EPB41L1: variants seen among roughly 807,000 people sequenced by gnomAD.
EPB41L1 encodes the protein erythrocyte membrane protein band 4.1 like 1.
A neutral mutation model predicts 97.8 loss-of-function variants in EPB41L1; 29 were observed. The observed-to-expected ratio is 0.30, with a 90% CI of 0.22 to 0.40. The LOEUF (loss-of-function observed/expected upper bound fraction) is 0.40. Among genes scored for constraint, EPB41L1 ranks in the 10% least tolerant of loss-of-function variants. EPB41L1 has a pLI of 1.00. For synonymous variants in EPB41L1, 383 were observed against 459.2 expected, an observed-to-expected ratio of 0.83 and a Z score of 2.12; for missense variants, 812 against 1,162.3, an observed-to-expected ratio of 0.70 and a Z score of 4.38.
At chr20:36,210,513 C>T (rs572029076) in intron 15 of EPB41L1, among the ~76,000 whole-genome samples, 1 of 152,072 alleles carries the variant, frequency 6.6e-6, no homozygotes, top group East Asian at 1.9e-4. Flanking sequence ...CTCTTCTAGA[C>T]CCAACCTCCC....
chr20:36,093,052 C>G lies in EPB41L1; in HGVS notation c.-65+1440C>G, dbSNP rs2057707790. 1 of 152,750 alleles carries G rather than the reference C, an allele frequency of 6.5e-6. No individual in the cohort carries two copies. Among genetic ancestry groups the G allele is most frequent in the South Asian group, 2.0e-4 (1 of 4,884 alleles). The allele number at this position is 152,750 out of a possible 1,614,324, so 9.5% of individuals were successfully genotyped here. On this transcript the variant is annotated intron_variant, in intron 1 of 19. Transcript: ENST00000202028. The surrounding 1 kb of genome is among the most constrained non-coding windows in gnomAD (Gnocchi z 5.4). ...TGTGTTAGGTGTGAGCGCGCGTGTG[C>G]CCGTGGATCCGTGCGAGCGGCTGCT...
intron 1 of EPB41L1, among the ~76,000 whole-genome samples, chr20:36,098,872 G>A (rs1169213206): frequency 6.6e-6 from 1 of 152,130 alleles, no homozygotes; most frequent in African/African-American, 2.4e-5. Flanking sequence ...TGTAATCCCA[G>A]CACTTTGGGA....
chr20:36,203,892 A>G (rs1049181099), intron 14 of EPB41L1, among the ~76,000 whole-genome samples: 1 of 152,154 alleles, frequency 6.6e-6, no homozygotes, highest in African/African-American at 2.4e-5. Flanking sequence ...TGAGCCTTCA[A>G]AATGTTTCAG....
At chr20:36,202,449 C>T (rs1250456080) in intron 14 of EPB41L1, among the ~76,000 whole-genome samples, 1 of 152,090 alleles carries the variant, frequency 6.6e-6, no homozygotes, top group African/African-American at 2.4e-5. Context: ...CCACTTTCTC[C>T]CAGGAAATGG....
At position 36,220,845 on chromosome 20, in the gene EPB41L1, C is replaced by T. The variant is rs1404316291; in HGVS notation, c.2439+1001C>T. Among the ~76,000 whole-genome samples the T allele has an allele frequency of 7.9e-5, 12 of 152,128 alleles. No individual in the cohort carries two copies. The East Asian group carries it at 2.3e-3, about 29-fold the overall frequency. The stretch of plus-strand genomic sequence containing the variant: ...TGTGGCCAGGAGGAAGGCAGGAGGG[C>T]GCCTAGCCAGGGCTGGAGGCCTGGA... On this transcript the variant is annotated intron_variant, in intron 19 of 21. Coordinates refer to ENST00000338074, the MANE Select transcript of EPB41L1 (RefSeq NM_012156.2).
chr20:36,168,895 A>G (rs1359461396), intron 1 of EPB41L1, among the ~76,000 whole-genome samples: 5 of 151,860 alleles, frequency 3.3e-5, no homozygotes, highest in Non-Finnish European at 7.4e-5. Flanking sequence ...CTCCTTCACC[A>G]TCCTGAGAGG....
At chr20:36,138,124 A>G (rs530806787) in intron 2 of EPB41L1, among the ~76,000 whole-genome samples, 19 of 152,172 alleles carry the variant, frequency 1.2e-4, no homozygotes, top group Non-Finnish European at 2.4e-4. Context: ...CTGTCGATGG[A>G]CACTTGTTGC....
chr20:36,195,204 T>C lies in EPB41L1; in HGVS notation c.1450-125T>C, dbSNP rs1336691800. 1.7e-6 allele frequency: 2 copies of C among 1,154,970 alleles called. No individual in the cohort carries two copies. The highest frequency in any genetic ancestry group is 3.1e-5 in the African/African-American group (2 of 65,498). The allele number at this position is 1,154,970 out of a possible 1,614,324, so 71.5% of individuals were successfully genotyped here. A position where few individuals can be genotyped will look rare whatever the true frequency, so the allele number is the denominator to read the frequency against. ...CTGCTGGTGGCCCACCCAGCTGCCC[T>C]GGCCTCCACTTGGTCGAGTGTGCGT... On this transcript the variant is annotated intron_variant, in intron 12 of 21. Transcript: ENST00000338074. This position sits in a 1 kb window ranked among gnomAD's most constrained non-coding sequence, Gnocchi z 4.6.
At chr20:36,205,816 A>T in intron 14 of EPB41L1, 1 of 1,262,424 alleles carries the variant, frequency 7.9e-7, no homozygotes, top group South Asian at 1.3e-5. Context: ...CTGATATTTC[A>T]TGTTAACTCT....
chr20:36,166,329 A>G (rs2060737078), intron 1 of EPB41L1, among the ~76,000 whole-genome samples: 1 of 152,244 alleles, frequency 6.6e-6, no homozygotes, highest in South Asian at 2.1e-4. Context: ...AAATAGGGAT[A>G]ATAAGAGTAC....
chr20:36,195,495 C>T lies in EPB41L1; in HGVS notation c.1485+131C>T. 1 of 1,075,564 alleles carries T rather than the reference C, an allele frequency of 9.3e-7. No individual in the cohort carries two copies. The highest frequency in any genetic ancestry group is 1.9e-5 in the Admixed American group (1 of 52,210). 66.6% of individuals were successfully genotyped at this position (1,075,564 alleles called of 1,614,324 possible). A position where few individuals can be genotyped will look rare whatever the true frequency, so the allele number is the denominator to read the frequency against. ...CTTCAACTTCATCTCTGCTCCCCAG[C>T]CATCCCCCTCTGCAGCCGTCCTTGC... On this transcript the variant is annotated intron_variant, in intron 13 of 21. Transcript: ENST00000338074. The surrounding 1 kb of genome is among the most constrained non-coding windows in gnomAD (Gnocchi z 4.6).
chr20:36,173,768 G>T lies in EPB41L1; in HGVS notation c.-10G>T, dbSNP rs1274807151. 3 of 1,614,094 alleles carry T rather than the reference G, an allele frequency of 1.9e-6. No homozygotes were observed. In the African/African-American group the frequency reaches 4.0e-5, roughly 22 times the overall value. The stretch of plus-strand genomic sequence containing the variant: ...ATCTCCTTCATGCCAATGCAGGCGT[G>T]CTGGTCACCATGACAACAGAGACAG... On this transcript the variant is annotated 5_prime_UTR_variant, in exon 2 of 22. Coordinates refer to ENST00000338074, the MANE Select transcript of EPB41L1 (RefSeq NM_012156.2).
At chr20:36,220,091 T>C (rs1291353205) in intron 19 of EPB41L1, among the ~76,000 whole-genome samples, 1 of 152,236 alleles carries the variant, frequency 6.6e-6, no homozygotes, top group African/African-American at 2.4e-5. Flanking sequence ...CTGTGAACCA[T>C]GGCGTGTGCG....
intron 14 of EPB41L1, among the ~76,000 whole-genome samples, chr20:36,208,610 A>ACTGAATC (rs1399549125): frequency 9.8e-5 from 15 of 152,338 alleles, no homozygotes; most frequent in African/African-American, 3.6e-4. Context: ...GTCTAAGCCC[A>ACTGAATC]CTGAATCCCT....
At chr20:36,198,280 G>A (rs957576584) in intron 14 of EPB41L1, among the ~76,000 whole-genome samples, 9 of 152,302 alleles carry the variant, frequency 5.9e-5, no homozygotes, top group South Asian at 4.1e-4. Flanking sequence ...GTAGCTTGGC[G>A]TACTCCCCTT....
chr20:36,125,436 C>A (rs1265654665), intron 2 of EPB41L1: 2 of 822,330 alleles, frequency 2.4e-6, no homozygotes, highest in Non-Finnish European at 4.0e-6. Context: ...GCTGTTCGTA[C>A]CTGCCTCATG....
chr20:36,155,833 GGAATGTGA>G, intron 1 of EPB41L1: 1 of 351,312 alleles, frequency 2.8e-6, no homozygotes, highest in Non-Finnish European at 5.7e-6. Flanking sequence ...CCCAAAGGTG[GGAATGTGA>G]GACGGCCAGA....
Position 36,209,348 on chromosome 20 carries a change from T to G in EPB41L1, c.1669-140T>G. ...ATTTCAAGGAACCTTTCCTGGGGTGTTTTTCATTTCCTGGCCTGCTCTTCC... is the reference window on the plus strand; with the variant it reads ...ATTTCAAGGAACCTTTCCTGGGGTGGTTTTCATTTCCTGGCCTGCTCTTCC... On this transcript the variant is annotated intron_variant, in intron 14 of 21. Coordinates refer to ENST00000338074, the MANE Select transcript of EPB41L1 (RefSeq NM_012156.2). This position sits in a 1 kb window ranked among gnomAD's most constrained non-coding sequence, Gnocchi z 4.2. 2.1e-6 allele frequency: 2 copies of G among 964,162 alleles called. No individual in the cohort carries two copies. Among genetic ancestry groups the G allele is most frequent in the Non-Finnish European group, 3.0e-6 (2 of 666,464 alleles). 59.7% of individuals were successfully genotyped at this position (964,162 alleles called of 1,614,324 possible). A position where few individuals can be genotyped will look rare whatever the true frequency, so the allele number is the denominator to read the frequency against.
chr20:36,148,345 A>G (rs2378440), intron 2 of EPB41L1, among the ~76,000 whole-genome samples: 11,192 of 152,222 alleles, frequency 0.074, 521 homozygotes, highest in East Asian at 0.13. Flanking sequence ...AGTTGGTGCA[A>G]AGAGGAAGGG....
Sources: gnomAD v4.1 joint callset for allele counts (sites outside exome capture counted in the v4.1 genomes callset) on GRCh38, gnomAD v4.1.1 for gene constraint, Gnocchi (gnomAD v3.1) non-coding constraint, MANE v1.5 for transcripts, NCBI Gene and HGNC (gene_info 2026-07-23, HGNC 2026-07-21) for gene names.